The following GALK2 variants were observed in gnomAD, a reference collection of about 807,000 sequenced individuals.
The protein encoded by GALK2 is N-acetylgalactosamine kinase.
A neutral mutation model predicts 52.4 loss-of-function variants in GALK2; 36 were observed. The observed-to-expected ratio is 0.69, with a 90% CI of 0.53 to 0.91. GALK2 has a LOEUF of 0.91. GALK2 is among the 40% of genes least tolerant of loss of function. GALK2 has a pLI of 0.00. For missense variants in GALK2, 579 were observed against 559.1 expected (o/e 1.04, Z -0.36); for synonymous variants, 176 against 199.1 (o/e 0.88, Z 0.98).
chr15:49,312,287 G>A (rs1467432480), intron 8 of GALK2, among the ~76,000 whole-genome samples: 2 of 152,236 alleles, frequency 1.3e-5, no homozygotes, highest in Non-Finnish European at 2.9e-5. Context: ...CCAACTGGCT[G>A]CCAGTATGGG....
intron 1 of GALK2, among the ~76,000 whole-genome samples, chr15:49,190,262 A>G (rs2086638456): frequency 6.6e-6 from 1 of 152,244 alleles, no homozygotes; most frequent in African/African-American, 2.4e-5. Context: ...TCTATAGGTC[A>G]TATAAAACTG....
At chr15:49,186,898 G>T (rs2086390938) in intron 1 of GALK2, among the ~76,000 whole-genome samples, 1 of 152,092 alleles carries the variant, frequency 6.6e-6, no homozygotes, top group Admixed American at 6.5e-5. Context: ...TGTATAAAAG[G>T]TCACTTGTCC....
intron 3 of GALK2, among the ~76,000 whole-genome samples, chr15:49,350,968 A>G (rs1321221765): frequency 6.6e-6 from 1 of 152,174 alleles, no homozygotes; most frequent in Non-Finnish European, 1.5e-5. Flanking sequence ...TAAGGCCACC[A>G]TGTACCACTG....
At chr15:49,364,738 C>T (rs190545942) in intron 3 of GALK2, among the ~76,000 whole-genome samples, 1 of 152,092 alleles carries the variant, frequency 6.6e-6, no homozygotes, top group Non-Finnish European at 1.5e-5. Context: ...ATAAAATTTG[C>T]ATAATTATTT....
intron 5 of GALK2, among the ~76,000 whole-genome samples, chr15:49,271,718 G>A (rs188311225): frequency 3.3e-5 from 5 of 152,260 alleles, no homozygotes; most frequent in Admixed American, 3.3e-4. Context: ...AGTGTCTGAG[G>A]CATTGTGTTA....
intron 1 of GALK2, among the ~76,000 whole-genome samples, chr15:49,194,485 A>G (rs1169054510): frequency 2.6e-5 from 4 of 152,098 alleles, no homozygotes; most frequent in Non-Finnish European, 4.4e-5. Context: ...GAGGCCATAT[A>G]GTATGTTTTA....
In GALK2 at chr15:49,331,410, AG is replaced by A. The variant is rs1222560573; in HGVS notation, c.*3254del. ...TTATCATATTCTGCCTTGATAATTG[AG>A]GGCAGGGACCATTCATCTAACACAG... On this transcript the variant is annotated 3_prime_UTR_variant, in exon 10 of 10. Coordinates refer to ENST00000560031, the MANE Select transcript of GALK2 (RefSeq NM_002044.4). The A allele has an allele frequency of 1.1e-5, 2 of 176,946 alleles. No homozygotes were observed. Among genetic ancestry groups the A allele is most frequent in the East Asian group, 3.0e-4 (2 of 6,586 alleles). The allele number at this position is 176,946 out of a possible 1,614,324, so 11.0% of individuals were successfully genotyped here. A position where few individuals can be genotyped will look rare whatever the true frequency, so the allele number is the denominator to read the frequency against.
intron 3 of GALK2, among the ~76,000 whole-genome samples, chr15:49,363,050 G>A (rs1374207057): frequency 6.6e-6 from 1 of 152,132 alleles, no homozygotes; most frequent in Non-Finnish European, 1.5e-5. Flanking sequence ...CTGAATTTGG[G>A]TAACATGATT....
At chr15:49,269,531 T>G (rs914642681) in intron 5 of GALK2, among the ~76,000 whole-genome samples, 1 of 152,224 alleles carries the variant, frequency 6.6e-6, no homozygotes, top group Non-Finnish European at 1.5e-5. Context: ...AATTTAACCC[T>G]TTTGTTTCAG....
intron 6 of GALK2, among the ~76,000 whole-genome samples, chr15:49,283,278 C>T (rs1353753766): frequency 2.0e-5 from 3 of 152,102 alleles, no homozygotes; most frequent in Non-Finnish European, 2.9e-5. Flanking sequence ...GCTATGTATC[C>T]ATATAGCATC....
intron 3 of GALK2, among the ~76,000 whole-genome samples, chr15:49,220,266 C>T (rs75166627): frequency 2.1e-3 from 313 of 152,142 alleles, no homozygotes; most frequent in Non-Finnish European, 3.3e-3. Context: ...ATCCCCCGTT[C>T]ACTGACCATT....
At chr15:49,341,787 C>T (rs2040766704) in intron 3 of GALK2, among the ~76,000 whole-genome samples, 4 of 152,070 alleles carry the variant, frequency 2.6e-5, no homozygotes, top group Admixed American at 2.6e-4. Context: ...TCCTTTCTGC[C>T]TTAATTTCAT....
At chr15:49,274,048 C>T (rs1567007573) in intron 5 of GALK2, among the ~76,000 whole-genome samples, 1 of 152,162 alleles carries the variant, frequency 6.6e-6, no homozygotes, top group Non-Finnish European at 1.5e-5. Flanking sequence ...CTTTACTCTC[C>T]CTCCCTTCCC....
intron 5 of GALK2, among the ~76,000 whole-genome samples, chr15:49,269,425 G>T (rs2030028568): frequency 6.6e-6 from 1 of 152,110 alleles, no homozygotes; most frequent in Non-Finnish European, 1.5e-5. Flanking sequence ...TTGTGCCCAA[G>T]AACCCACATT....
intron 5 of GALK2, among the ~76,000 whole-genome samples, chr15:49,259,345 C>CA (rs2091978735): frequency 8.2e-6 from 1 of 121,332 alleles, no homozygotes; most frequent in Non-Finnish European, 1.7e-5. Context: ...CCCCTCCCCC[C>CA]ACCCCACAAC....
intron 7 of GALK2, among the ~76,000 whole-genome samples, chr15:49,291,524 C>G (rs919913292): frequency 6.6e-6 from 1 of 152,166 alleles, no homozygotes; most frequent in Admixed American, 6.5e-5. Context: ...TGTCTTCACA[C>G]CCAGGCAATG....
chr15:49,170,510 A>G lies in GALK2; in HGVS notation c.53+135A>G, dbSNP rs1439734722. Reference sequence around the variant, plus strand: ...CAAGTGGAACCCTTGGGATTCTATAAGGACACGTGGCTGGGCTTGCAAAAA... The same window carrying G: ...CAAGTGGAACCCTTGGGATTCTATAGGGACACGTGGCTGGGCTTGCAAAAA... On this transcript the variant is annotated intron_variant, in intron 1 of 9. Coordinates refer to ENST00000560031, the MANE Select transcript of GALK2 (RefSeq NM_002044.4). 3.4e-5 allele frequency: 27 copies of G among 801,610 alleles called. No individual in the cohort carries two copies. The South Asian group carries it at 4.2e-4, about 13-fold the overall frequency. The allele number at this position is 801,610 out of a possible 1,614,324, so 49.7% of individuals were successfully genotyped here.
intron 3 of GALK2, among the ~76,000 whole-genome samples, chr15:49,357,938 C>G (rs1400058226): frequency 6.6e-6 from 1 of 151,912 alleles, no homozygotes; most frequent in Non-Finnish European, 1.5e-5. Context: ...TCAATATACA[C>G]AAATCAATAA....
intron 1 of GALK2, chr15:49,156,601 C>T: frequency 1.9e-6 from 1 of 516,320 alleles, no homozygotes; most frequent in South Asian, 1.5e-5. Context: ...CAAAGAAATT[C>T]AGATTGCCGA....
Sources: gnomAD v4.1 joint callset for allele counts (sites outside exome capture counted in the v4.1 genomes callset) on GRCh38, gnomAD v4.1.1 for gene constraint, MANE v1.5 for transcripts, NCBI Gene and HGNC (gene_info 2026-07-23, HGNC 2026-07-21) for gene names.